Variants in PXT1 observed in about 807,000 individuals in gnomAD.
PXT1 encodes peroxisomal testis-specific protein 1.
A neutral mutation model predicts 11.0 loss-of-function variants in PXT1; 11 were observed. That is an observed-to-expected ratio of 1.00 (90% confidence interval 0.63 to 1.66). The LOEUF (loss-of-function observed/expected upper bound fraction) is 1.66, where lower values mean the gene tolerates loss of function less well. Among genes scored for constraint, PXT1 ranks in the 40% most tolerant of loss-of-function variants. The pLI is 0.00. For missense variants in PXT1, 141 were observed against 155.5 expected (o/e 0.91, Z 0.49); for synonymous variants, 43 against 51.4 (o/e 0.84, Z 0.70).
At chr6:36,412,072 C>A (rs1044922922) in intron 3 of PXT1, among the ~76,000 whole-genome samples, 29 of 151,416 alleles carry the variant, frequency 1.9e-4, no homozygotes, top group African/African-American at 6.8e-4. Flanking sequence ...AAGAATGGAG[C>A]CAGGCGCGGT....
chr6:36,433,257 G>A (rs531116228), intron 2 of PXT1, among the ~76,000 whole-genome samples: 1 of 151,964 alleles, frequency 6.6e-6, no homozygotes, highest in Non-Finnish European at 1.5e-5. Context: ...CATGAAACAA[G>A]AACAGGATGC....
At chr6:36,418,207 A>AG (rs1348805681) in intron 3 of PXT1, among the ~76,000 whole-genome samples, 1 of 152,188 alleles carries the variant, frequency 6.6e-6, no homozygotes, top group African/African-American at 2.4e-5. Context: ...AAAAAAAAAA[A>AG]AAGTAAATTT....
chr6:36,429,003 A>T (rs890273920), intron 2 of PXT1, among the ~76,000 whole-genome samples: 15 of 152,032 alleles, frequency 9.9e-5, no homozygotes, highest in African/African-American at 3.6e-4. Context: ...GGTGTGGCTT[A>T]TGCCTGGAAT....
At chr6:36,430,243 GT>G (rs1774674371) in intron 2 of PXT1, among the ~76,000 whole-genome samples, 1 of 151,764 alleles carries the variant, frequency 6.6e-6, no homozygotes, top group Admixed American at 6.6e-5. Flanking sequence ...CATTTCTTCT[GT>G]CCATTAATTA....
chr6:36,438,222 T>C (rs1774795821), intron 2 of PXT1, among the ~76,000 whole-genome samples: 1 of 152,242 alleles, frequency 6.6e-6, no homozygotes, highest in African/African-American at 2.4e-5. Context: ...AATAAATTCT[T>C]TGTAAAATAA....
intron 3 of PXT1, among the ~76,000 whole-genome samples, chr6:36,413,156 C>T (rs896185896): frequency 2.0e-5 from 3 of 152,058 alleles, no homozygotes; most frequent in Admixed American, 6.6e-5. Context: ...CGGTGGCTCA[C>T]GCCGGTAATC....
At chr6:36,423,248 T>A (rs1217485663) in intron 3 of PXT1, among the ~76,000 whole-genome samples, 3 of 152,204 alleles carry the variant, frequency 2.0e-5, no homozygotes, top group Admixed American at 1.3e-4. Flanking sequence ...GCTTCCTCAG[T>A]AAGAGTTTTC....
At chr6:36,396,476 T>C (rs1774145715) in intron 4 of PXT1, among the ~76,000 whole-genome samples, 1 of 152,204 alleles carries the variant, frequency 6.6e-6, no homozygotes, top group African/African-American at 2.4e-5. Flanking sequence ...TCCCAGAGCC[T>C]GCTCCAATCT....
At chr6:36,419,453 A>C (rs968679209) in intron 3 of PXT1, among the ~76,000 whole-genome samples, 2 of 152,224 alleles carry the variant, frequency 1.3e-5, no homozygotes, top group Non-Finnish European at 2.9e-5. Flanking sequence ...TGATCAGGGC[A>C]GTTAGGTAGG....
Position 36,391,348 on chromosome 6 carries a change from A to G in PXT1, c.*422T>C, listed in dbSNP as rs182454460. The G allele has an allele frequency of 2.5e-3, 416 of 167,922 alleles. 1 individual carries two copies. Among genetic ancestry groups the G allele is most frequent in the African/African-American group, 9.6e-3 (398 of 41,650 alleles). 10.4% of individuals were successfully genotyped at this position (167,922 alleles called of 1,614,324 possible). On this transcript the variant is annotated 3_prime_UTR_variant, in exon 5 of 5. Coordinates refer to ENST00000454782, the MANE Select transcript of PXT1 (RefSeq NM_152990.4). ...CATGAGTGACAAGAGTGGAGCCAAC[A>G]GGTCACCAGAGGGCATGGTGCCCAG...
intron 3 of PXT1, among the ~76,000 whole-genome samples, chr6:36,424,447 C>G (rs1582266674): frequency 6.6e-6 from 1 of 151,748 alleles, no homozygotes; most frequent in African/African-American, 2.4e-5. Context: ...CAAGACCATC[C>G]TGGCTAACAC....
At chr6:36,425,871 T>C in intron 3 of PXT1, 43 bp downstream of exon 3, 1 of 1,358,126 alleles carries the variant, frequency 7.4e-7, no homozygotes, top group Non-Finnish European at 1.0e-6. Context: ...GAAAAACACA[T>C]GCTAAGTAAA....
At chr6:36,413,906 GAAGGACAGGTT>G (rs1774411054) in intron 3 of PXT1, among the ~76,000 whole-genome samples, 2 of 152,172 alleles carry the variant, frequency 1.3e-5, no homozygotes, top group Non-Finnish European at 2.9e-5. Flanking sequence ...GGCTGAGGCA[GAAGGACAGGTT>G]GAGCCCAGGA....
chr6:36,401,025 C>T (rs1043115407), intron 3 of PXT1, among the ~76,000 whole-genome samples: 1 of 151,836 alleles, frequency 6.6e-6, no homozygotes, highest in Admixed American at 6.6e-5. Flanking sequence ...AAAGCAAAGC[C>T]TATCTATTGG....
intron 3 of PXT1, among the ~76,000 whole-genome samples, chr6:36,423,431 A>G (rs1351131088): frequency 6.6e-6 from 1 of 152,194 alleles, no homozygotes; most frequent in African/African-American, 2.4e-5. Context: ...CGAGCAGGTT[A>G]GGCGATAGAG....
chr6:36,400,309 G>A, intron 4 of PXT1, 145 bp downstream of exon 4: 1 of 1,009,506 alleles, frequency 9.9e-7, no homozygotes, highest in Admixed American at 2.5e-5. Context: ...GGTTCACAAT[G>A]TTTAGATCTA....
Position 36,430,206 on chromosome 6 carries a change from C to CA in PXT1, c.-9-4116dup, listed in dbSNP as rs113473755. On this transcript the variant is annotated intron_variant, in intron 2 of 4. Coordinates refer to ENST00000454782, the MANE Select transcript of PXT1 (RefSeq NM_152990.4). Reference sequence around the variant, plus strand: ...TGGGTGACAGAGCGACACTCCATCTCAAAAAAAAAAAAAGTAAATCTCTTA... The same window carrying CA: ...TGGGTGACAGAGCGACACTCCATCTCAAAAAAAAAAAAAAGTAAATCTCTTA... Among the ~76,000 whole-genome samples the CA allele has an allele frequency of 1.7e-3, 240 of 137,690 alleles. 1 individual carries two copies. In the East Asian group the frequency reaches 0.035, roughly 20 times the overall value. The allele number at this position is 137,690 out of a possible 152,430, so 90.3% of individuals were successfully genotyped here. A position where few individuals can be genotyped will look rare whatever the true frequency, so the allele number is the denominator to read the frequency against.
intron 3 of PXT1, among the ~76,000 whole-genome samples, chr6:36,411,848 C>T (rs906452181): frequency 4.6e-5 from 7 of 151,592 alleles, no homozygotes; most frequent in African/African-American, 1.5e-4. Context: ...ACTCAGAGGC[C>T]GAGGTGAGAG....
intron 3 of PXT1, among the ~76,000 whole-genome samples, chr6:36,404,298 A>G (rs887429459): frequency 6.6e-6 from 1 of 152,244 alleles, no homozygotes; most frequent in Non-Finnish European, 1.5e-5. Context: ...CACGTATACA[A>G]TGGTGGTCTC....
Sources: gnomAD v4.1 joint callset for allele counts (sites outside exome capture counted in the v4.1 genomes callset) on GRCh38, gnomAD v4.1.1 for gene constraint, MANE v1.5 for transcripts, NCBI Gene and HGNC (gene_info 2026-07-23, HGNC 2026-07-21) for gene names.